The following ATRX variants were observed in gnomAD, a reference collection of about 807,000 sequenced individuals.
ATRX encodes the protein chromatin remodeler ATRX.
ATRX carries 12 observed loss-of-function variants against 172.6 expected under a neutral mutation model. The ratio of observed to expected loss-of-function variants is 0.07; its 90% CI spans 0.04 to 0.11. The LOEUF is 0.11. Ranked by LOEUF, ATRX falls within the 10% of genes least tolerant of loss-of-function variation. The pLI, the probability that ATRX is intolerant of heterozygous loss-of-function variation, is 1.00. For synonymous variants in ATRX, 674 were observed against 594.7 expected, an observed-to-expected ratio of 1.13 and a Z score of -1.94; for missense variants, 1,368 against 1,767.4, an observed-to-expected ratio of 0.77 and a Z score of 4.05.
At position 77,718,467 on chromosome X, in the gene ATRX, G is replaced by A. The variant is rs782364846; in HGVS notation, c.21-1224C>T. On this transcript the variant is annotated intron_variant, in intron 1 of 34. Transcript: ENST00000373344. ...TGGCTCACTGCAAGCTCTGCCTCCC[G>A]GGTTCACACCATTCTCCGGCCTCAG... 4.8e-5 allele frequency among the ~76,000 whole-genome samples: 5 copies of A among 104,993 alleles called. No homozygotes were observed. In the East Asian group the frequency reaches 9.2e-4, roughly 19 times the overall value. The allele number at this position is 104,993 out of a possible 115,157, so 91.2% of individuals were successfully genotyped here.
At chrX:77,554,334 T>A (rs932769695) in intron 30 of ATRX, among the ~76,000 whole-genome samples, 3 of 111,166 alleles carry the variant, frequency 2.7e-5, no homozygotes, top group Non-Finnish European at 3.8e-5. Flanking sequence ...TCGCTGCCTA[T>A]CCCTTTAAAA....
intron 28 of ATRX, among the ~76,000 whole-genome samples, chrX:77,560,081 T>C (rs1557061209): frequency 9.0e-6 from 1 of 111,238 alleles, no homozygotes; most frequent in Non-Finnish European, 1.9e-5. Context: ...TTGCCAAGAG[T>C]TGAAATTGGT....
chrX:77,589,733 G>T, intron 27 of ATRX, 101 bp downstream of exon 27: 1 of 717,871 alleles, frequency 1.4e-6, no homozygotes, highest in Non-Finnish European at 2.1e-6. Flanking sequence ...TGATAGAGTT[G>T]TGAGACTGGG....
chrX:77,779,133 C>T (rs182156479), intron 1 of ATRX, among the ~76,000 whole-genome samples: 2,853 of 79,095 alleles, frequency 0.036, 101 homozygotes, highest in African/African-American at 0.11. Context: ...TTAGTAGAGA[C>T]GGGTTTTCAC....
intron 1 of ATRX, among the ~76,000 whole-genome samples, chrX:77,718,881 G>A (rs1474486863): frequency 2.7e-5 from 3 of 111,149 alleles, no homozygotes; most frequent in East Asian, 2.8e-4. Flanking sequence ...CAATCCTCCC[G>A]CCTCAGCATC....
intron 1 of ATRX, among the ~76,000 whole-genome samples, chrX:77,719,053 C>T (rs1460175125): frequency 9.0e-6 from 1 of 111,172 alleles, no homozygotes; most frequent in Non-Finnish European, 1.9e-5. Flanking sequence ...TCCACCTCAG[C>T]CTCCCAAAGC....
chrX:77,729,966 G>A (rs1157696048), intron 1 of ATRX, among the ~76,000 whole-genome samples: 1 of 111,545 alleles, frequency 9.0e-6, no homozygotes, highest in Non-Finnish European at 1.9e-5. Flanking sequence ...ACAGTATAAG[G>A]CATATAGTTA....
intron 19 of ATRX, among the ~76,000 whole-genome samples, chrX:77,623,725 C>G (rs2067693004): frequency 8.9e-6 from 1 of 111,747 alleles, no homozygotes; most frequent in Non-Finnish European, 1.9e-5. Flanking sequence ...GGTTTCATAT[C>G]AGGGATGCAG....
chrX:77,519,915 CAACAGATGAATA>C (rs2063172401), intron 34 of ATRX, among the ~76,000 whole-genome samples: 1 of 111,664 alleles, frequency 9.0e-6, no homozygotes, highest in Non-Finnish European at 1.9e-5. Flanking sequence ...AAGTATCAAC[CAACAGATGAATA>C]AACAAAGAAT....
intron 25 of ATRX, 185 bp from the exon 26 acceptor site, chrX:77,594,034 C>A: frequency 2.4e-6 from 1 of 411,758 alleles, no homozygotes; most frequent in Non-Finnish European, 4.2e-6. Flanking sequence ...AGAGACTATC[C>A]CAGAAGAGTG....
chrX:77,615,902 A>G (rs1557096521), intron 22 of ATRX: 1 of 723,425 alleles, frequency 1.4e-6, no homozygotes, highest in East Asian at 1.5e-4. Context: ...CAGTAATATC[A>G]TTTGGGGAAA....
At chrX:77,636,197 C>T in intron 15 of ATRX, 141 bp from the exon 16 acceptor site, 1 of 607,706 alleles carries the variant, frequency 1.6e-6, no homozygotes, top group Non-Finnish European at 2.7e-6. Context: ...GGATCTGTGT[C>T]CCCACCAAAT....
intron 26 of ATRX, among the ~76,000 whole-genome samples, chrX:77,592,499 C>G (rs1557081299): frequency 9.2e-6 from 1 of 108,319 alleles, no homozygotes; most frequent in African/African-American, 3.4e-5. Context: ...GACAGTAAGT[C>G]TTGTTCAAAA....
At chrX:77,752,531 T>C (rs2075339192) in intron 1 of ATRX, among the ~76,000 whole-genome samples, 1 of 112,339 alleles carries the variant, frequency 8.9e-6, no homozygotes, top group Non-Finnish European at 1.9e-5. Flanking sequence ...AGAGAGGGCA[T>C]CCTTGTCTTG....
chrX:77,635,835 G>C, intron 16 of ATRX, 80 bp downstream of exon 16: 3 of 947,871 alleles, frequency 3.2e-6, no homozygotes, highest in Non-Finnish European at 4.4e-6. Context: ...GGACTTAGCA[G>C]GATGTGAGGC....
intron 2 of ATRX, among the ~76,000 whole-genome samples, chrX:77,706,741 T>TA (rs1231125872): frequency 2.9e-3 from 275 of 94,809 alleles, no homozygotes; most frequent in African/African-American, 8.3e-3. Flanking sequence ...CTCTAAAAAA[T>TA]AAAAAAAAAA....
At chrX:77,736,475 T>A (rs935826065) in intron 1 of ATRX, among the ~76,000 whole-genome samples, 8 of 112,367 alleles carry the variant, frequency 7.1e-5, no homozygotes, top group African/African-American at 2.6e-4. Context: ...GCATTCTACA[T>A]CACTGATCAT....
chrX:77,535,082 T>C (rs1360158571), intron 30 of ATRX, among the ~76,000 whole-genome samples: 3 of 112,250 alleles, frequency 2.7e-5, no homozygotes, highest in African/African-American at 6.5e-5. Flanking sequence ...AGAAATTTAA[T>C]ATTCCTGGTC....
rs1041450917 is a variant in ATRX, at chrX:77,619,057, C to T, written c.5273-76G>A. On this transcript the variant is annotated intron_variant, in intron 20 of 34. Transcript: ENST00000373344. ...CTTAGAAAAATTCCCCAATGAAATG[C>T]TCATGTCAAAAACACATGCATTAGA... 1.4e-5 allele frequency: 10 copies of T among 736,662 alleles called. No homozygotes were observed. The African/African-American group carries it at 1.7e-4, about 13-fold the overall frequency. 60.7% of individuals were successfully genotyped at this position (736,662 alleles called of 1,213,427 possible).
Sources: gnomAD v4.1 joint callset for allele counts (sites outside exome capture counted in the v4.1 genomes callset) on GRCh38, gnomAD v4.1.1 for gene constraint, MANE v1.5 for transcripts, NCBI Gene and HGNC (gene_info 2026-07-23, HGNC 2026-07-21) for gene names.